JMJD1C: variants seen among roughly 807,000 people sequenced by gnomAD.
JMJD1C encodes jumonji domain containing 1C, also known as jumonji domain-containing protein 1C.
A neutral mutation model predicts 245.3 loss-of-function variants in JMJD1C; 31 were observed. The observed-to-expected ratio is 0.13, with a 90% CI of 0.09 to 0.17. JMJD1C has a LOEUF of 0.17. JMJD1C is among the 10% of genes least tolerant of loss of function. The pLI is 1.00. For missense variants in JMJD1C, 2,691 were observed against 3,000.2 expected (o/e 0.90, Z 2.41); for synonymous variants, 1,057 against 1,017.4 (o/e 1.04, Z -0.74).
chr10:63,245,478 CTTTTTTTTTT>C (rs71025134), intron 3 of JMJD1C, among the ~76,000 whole-genome samples: 1 of 90,158 alleles, frequency 1.1e-5, no homozygotes. Flanking sequence ...CAGGGGAACT[CTTTTTTTTTT>C]TTTTTTTTTT....
At chr10:63,439,835 T>C (rs1408603062) in intron 1 of JMJD1C, among the ~76,000 whole-genome samples, 2 of 152,188 alleles carry the variant, frequency 1.3e-5, no homozygotes, top group Admixed American at 1.3e-4. Context: ...CTACAGTTTA[T>C]TTTTTTAAGT....
chr10:63,422,434 G>C (rs1950178286), intron 1 of JMJD1C, among the ~76,000 whole-genome samples: 1 of 152,008 alleles, frequency 6.6e-6, no homozygotes, highest in African/African-American at 2.4e-5. Flanking sequence ...AAGAACACTT[G>C]CCATTTGCTC....
At chr10:63,337,456 C>T (rs866784481) in intron 2 of JMJD1C, among the ~76,000 whole-genome samples, 2 of 2,098 alleles carry the variant, frequency 9.5e-4, no homozygotes, top group African/African-American at 3.0e-3. Flanking sequence ...AAAGAGAAGG[C>T]GGGGGGGGGG....
chr10:63,219,861 A>G lies in JMJD1C; in HGVS notation c.553+17T>C. On this transcript the variant is annotated intron_variant, in intron 4 of 25. Transcript: ENST00000399262. ...CTAGATCCAAAAAAATTTAATGCAT[A>G]ACTTCAAAATAGTTACCTTGCATAA... The G allele has an allele frequency of 6.3e-7, 1 of 1,586,108 alleles. No homozygotes were observed. Among genetic ancestry groups the G allele is most frequent in the Non-Finnish European group, 8.6e-7 (1 of 1,156,486 alleles).
chr10:63,343,653 G>A (rs1018903643), intron 2 of JMJD1C, among the ~76,000 whole-genome samples: 2 of 152,142 alleles, frequency 1.3e-5, no homozygotes, highest in East Asian at 3.8e-4. Flanking sequence ...TATGAAGGCA[G>A]TGCCATAAAA....
intron 3 of JMJD1C, among the ~76,000 whole-genome samples, chr10:63,261,513 G>A (rs1342275140): frequency 4.6e-5 from 7 of 152,006 alleles, no homozygotes; most frequent in Admixed American, 6.6e-5. Flanking sequence ...ACCGGGAGGC[G>A]GAGGTTGCAG....
chr10:63,425,981 TA>T (rs1950416695), intron 1 of JMJD1C, among the ~76,000 whole-genome samples: 2 of 152,236 alleles, frequency 1.3e-5, no homozygotes, highest in African/African-American at 4.8e-5. Context: ...GGCATAAGTT[TA>T]AAAACAAATT....
chr10:63,305,843 C>T (rs1025805225), intron 2 of JMJD1C, among the ~76,000 whole-genome samples: 4 of 152,014 alleles, frequency 2.6e-5, no homozygotes, highest in African/African-American at 9.7e-5. Flanking sequence ...AGTGATTCTC[C>T]CTCCTCAGCC....
intron 1 of JMJD1C, among the ~76,000 whole-genome samples, chr10:63,508,915 C>T (rs927717585): frequency 2.6e-5 from 4 of 152,094 alleles, no homozygotes; most frequent in African/African-American, 7.2e-5. Context: ...AATCTATATA[C>T]CTTTTATTTC....
At chr10:63,401,185 C>G (rs1948831155) in intron 1 of JMJD1C, among the ~76,000 whole-genome samples, 1 of 152,138 alleles carries the variant, frequency 6.6e-6, no homozygotes, top group African/African-American at 2.4e-5. Flanking sequence ...GGTAGAACTT[C>G]AGGTCAATTT....
intron 2 of JMJD1C, among the ~76,000 whole-genome samples, chr10:63,319,735 T>C (rs1940611646): frequency 6.6e-6 from 1 of 152,202 alleles, no homozygotes; most frequent in South Asian, 2.1e-4. Context: ...GTTCTTCAAA[T>C]AGATCAATTC....
At chr10:63,440,350 A>AT (rs1322201108) in intron 1 of JMJD1C, among the ~76,000 whole-genome samples, 5,462 of 76,392 alleles carry the variant, frequency 0.071, 109 homozygotes, top group South Asian at 0.12. Flanking sequence ...GAAAAAAAAA[A>AT]AAAATATATA....
chr10:63,207,910 T>G lies in JMJD1C; in HGVS notation c.3759A>C (p.Leu1253=). The stretch of plus-strand genomic sequence containing the variant: ...CCTGGGAGTCTTTTGGTTCGGGTAT[T>G]AGAGTTGGAGGCTTCTGTGATTCTT... ...KVQESQKPPT[L]IPEPKDSQAN... is the part of the protein sequence containing the mutation. The change falls in exon 10 of 26, where the codon CTA becomes CTC. Residue 1253 remains leucine, a synonymous_variant. Coordinates refer to ENST00000399262, the MANE Select transcript of JMJD1C (RefSeq NM_032776.3). The G allele has an allele frequency of 3.1e-6, 5 of 1,614,154 alleles. No homozygotes were observed. The highest frequency in any genetic ancestry group is 4.2e-6 in the Non-Finnish European group (5 of 1,180,000).
At chr10:63,259,993 C>T (rs577309960) in intron 3 of JMJD1C, among the ~76,000 whole-genome samples, 1 of 151,006 alleles carries the variant, frequency 6.6e-6, no homozygotes, top group African/African-American at 2.4e-5. Flanking sequence ...CCTCCACCTC[C>T]TGGGTTCAAG....
chr10:63,449,312 T>C (rs1210112106), intron 1 of JMJD1C, among the ~76,000 whole-genome samples: 1 of 152,132 alleles, frequency 6.6e-6, no homozygotes, highest in Admixed American at 6.6e-5. Context: ...TATATTTCCA[T>C]TGATCATAAT....
At chr10:63,206,163 A>AATATGTGTATGTG (rs1846594321) in intron 10 of JMJD1C, among the ~76,000 whole-genome samples, 1 of 152,150 alleles carries the variant, frequency 6.6e-6, no homozygotes, top group Admixed American at 6.5e-5. Context: ...TTTGCCTCAA[A>AATATGTGTATGTG]ATATGTGTAT....
intron 10 of JMJD1C, among the ~76,000 whole-genome samples, chr10:63,201,044 G>A (rs1845950711): frequency 6.6e-6 from 1 of 152,120 alleles, no homozygotes; most frequent in Non-Finnish European, 1.5e-5. Context: ...TATACCAAAA[G>A]TTGGTTTACA....
intron 2 of JMJD1C, among the ~76,000 whole-genome samples, chr10:63,369,625 A>G (rs1023976052): frequency 5.9e-5 from 9 of 152,232 alleles, no homozygotes; most frequent in African/African-American, 2.2e-4. Context: ...TCCTCCCAAT[A>G]TTAGGCATAT....
chr10:63,288,766 C>A lies in JMJD1C; in HGVS notation c.334-24002G>T, dbSNP rs897112306. Among the ~76,000 whole-genome samples the A allele has an allele frequency of 2.0e-5, 3 of 152,072 alleles. No individual in the cohort carries two copies. The South Asian group carries it at 6.2e-4, about 32-fold the overall frequency. On this transcript the variant is annotated intron_variant, in intron 2 of 25. Transcript: ENST00000399262. ...TGGTGGCACATGCCTGTAATCCCAGCTACTTGGGAGGCTGAGGCATAAGAA... is the reference window on the plus strand; with the variant it reads ...TGGTGGCACATGCCTGTAATCCCAGATACTTGGGAGGCTGAGGCATAAGAA...
Sources: allele counts gnomAD v4.1 joint callset (sites outside exome capture counted in the v4.1 genomes callset), GRCh38; gene constraint gnomAD v4.1.1; transcripts MANE v1.5; gene names NCBI Gene and HGNC (gene_info 2026-07-23, HGNC 2026-07-21).